Variants in LRRIQ3 observed in about 807,000 individuals in gnomAD.
The protein encoded by LRRIQ3 is leucine-rich repeat and IQ domain-containing protein 3.
In LRRIQ3, 75 loss-of-function variants were observed where a neutral mutation model predicts 59.3. The ratio of observed to expected loss-of-function variants is 1.26; its 90% CI spans 1.05 to 1.53. The LOEUF (loss-of-function observed/expected upper bound fraction) is 1.53. LRRIQ3 is among the 40% of genes most tolerant of loss of function. LRRIQ3 has a pLI of 0.00. For synonymous variants in LRRIQ3, 250 were observed against 231.3 expected, an observed-to-expected ratio of 1.08 and a Z score of -0.73; for missense variants, 831 against 710.0, an observed-to-expected ratio of 1.17 and a Z score of -1.94.
intron 6 of LRRIQ3, among the ~76,000 whole-genome samples, chr1:74,064,241 T>C (rs1262240582): frequency 1.3e-5 from 2 of 151,980 alleles, no homozygotes; most frequent in Non-Finnish European, 2.9e-5. Flanking sequence ...CTTTTTTATT[T>C]ACCAATTTTT....
chr1:74,164,093 CAT>C (rs778000758), intron 3 of LRRIQ3, among the ~76,000 whole-genome samples: 4 of 150,954 alleles, frequency 2.6e-5, no homozygotes, highest in South Asian at 2.1e-4. Context: ...TAGATTGTTT[CAT>C]ATGTTTTTGA....
intron 6 of LRRIQ3, among the ~76,000 whole-genome samples, chr1:74,048,668 T>C (rs1654273937): frequency 3.2e-5 from 3 of 93,524 alleles, no homozygotes; most frequent in Non-Finnish European, 7.4e-5. Context: ...CTTTAGTTCT[T>C]AACTTTTTAT....
intron 6 of LRRIQ3, among the ~76,000 whole-genome samples, chr1:74,065,130 T>C (rs938978397): frequency 6.6e-6 from 1 of 152,122 alleles, no homozygotes; most frequent in South Asian, 2.1e-4. Context: ...CTGCAGACTA[T>C]CACAAGATAG....
intron 6 of LRRIQ3, among the ~76,000 whole-genome samples, chr1:74,054,546 G>T (rs1215535443): frequency 6.6e-6 from 1 of 151,932 alleles, no homozygotes. Flanking sequence ...AGATAATAAT[G>T]TGTTAGTTTA....
In LRRIQ3 at chr1:74,125,675, A is replaced by G. The variant is rs117362791; in HGVS notation, c.708-16122T>C. ...ACATTGATTGATTTATGTACGTTGA[A>G]CCATCCTTGCATTCCTGGGATAAAT... On this transcript the variant is annotated intron_variant, in intron 4 of 7. Coordinates refer to ENST00000354431, the MANE Select transcript of LRRIQ3 (RefSeq NM_001105659.2). Among the ~76,000 whole-genome samples the G allele has an allele frequency of 9.2e-5, 14 of 152,024 alleles. No homozygotes were observed. The East Asian group carries it at 2.7e-3, about 29-fold the overall frequency.
chr1:74,125,669 C>A (rs117044508), intron 4 of LRRIQ3, among the ~76,000 whole-genome samples: 29 of 151,736 alleles, frequency 1.9e-4, no homozygotes, highest in African/African-American at 7.0e-4. Flanking sequence ...GATTTATGTA[C>A]GTTGAACCAT....
chr1:74,041,821 C>T lies in LRRIQ3; in HGVS notation c.1110G>A (p.Leu370=), dbSNP rs756989526. 5.6e-6 allele frequency: 9 copies of T among 1,613,432 alleles called. No homozygotes were observed. Among genetic ancestry groups the T allele is most frequent in the African/African-American group, 2.7e-5 (2 of 74,994 alleles). ...GAAAAAAATGTTGTTTTTTCTCTCT[C>T]AATACTGCATTATTCTTCAATGAAC... ...TSGSLKNNAV[L]REKKQHFFPA... is the part of the protein sequence containing the mutation. The change falls in exon 7 of 8, where the codon TTG becomes TTA. Residue 370 remains leucine (L), a synonymous_variant. Coordinates refer to ENST00000354431, the MANE Select transcript of LRRIQ3 (RefSeq NM_001105659.2).
intron 1 of LRRIQ3, among the ~76,000 whole-genome samples, chr1:74,194,759 C>A (rs1377381917): frequency 6.6e-6 from 1 of 152,126 alleles, no homozygotes; most frequent in African/African-American, 2.4e-5. Flanking sequence ...TTTCTTCTAG[C>A]CCAAAACATT....
chr1:74,123,843 C>A (rs1646897183), intron 4 of LRRIQ3, among the ~76,000 whole-genome samples: 1 of 151,936 alleles, frequency 6.6e-6, no homozygotes, highest in African/African-American at 2.4e-5. Context: ...AATGCTGGAT[C>A]ATATGGTAGT....
At chr1:74,154,513 A>G (rs1390362843) in intron 4 of LRRIQ3, among the ~76,000 whole-genome samples, 1 of 152,084 alleles carries the variant, frequency 6.6e-6, no homozygotes. Flanking sequence ...CTCTTCCTGC[A>G]AAACTCTCTA....
At chr1:74,045,093 C>T (rs1654161046) in intron 6 of LRRIQ3, among the ~76,000 whole-genome samples, 1 of 152,102 alleles carries the variant, frequency 6.6e-6, no homozygotes, top group Admixed American at 6.6e-5. Context: ...AAGAGCGAAT[C>T]CTCCTTAACT....
chr1:74,086,353 G>A (rs1257831221), intron 5 of LRRIQ3, among the ~76,000 whole-genome samples: 4 of 152,008 alleles, frequency 2.6e-5, no homozygotes, highest in Non-Finnish European at 5.9e-5. Flanking sequence ...TCCATTAACC[G>A]ACTTTTAATC....
At chr1:74,106,468 G>A (rs1000266100) in intron 5 of LRRIQ3, among the ~76,000 whole-genome samples, 1 of 151,892 alleles carries the variant, frequency 6.6e-6, no homozygotes, top group Admixed American at 6.6e-5. Context: ...ATGGGTGTGA[G>A]TATCTCTCAC....
At chr1:74,180,662 C>T in intron 3 of LRRIQ3, 3 of 1,504,432 alleles carry the variant, frequency 2.0e-6, no homozygotes, top group Non-Finnish European at 2.7e-6. Context: ...TCTGCACTGT[C>T]TGTCATTTGT....
chr1:74,101,895 A>G (rs969411652), intron 5 of LRRIQ3, among the ~76,000 whole-genome samples: 3 of 151,900 alleles, frequency 2.0e-5, no homozygotes, highest in African/African-American at 4.8e-5. Flanking sequence ...AACATCACAC[A>G]CTGGGGCCTG....
At chr1:74,185,816 G>A (rs1018862018) in intron 1 of LRRIQ3, among the ~76,000 whole-genome samples, 12 of 151,930 alleles carry the variant, frequency 7.9e-5, no homozygotes, top group African/African-American at 2.4e-4. Context: ...GGTGGCGGGC[G>A]CCTGTGGTCC....
chr1:74,056,438 G>A (rs950432397), intron 6 of LRRIQ3, among the ~76,000 whole-genome samples: 12 of 151,934 alleles, frequency 7.9e-5, no homozygotes, highest in African/African-American at 2.9e-4. Context: ...GTCCCTCCTT[G>A]CAGATGACAT....
intron 4 of LRRIQ3, among the ~76,000 whole-genome samples, chr1:74,117,456 ATT>A (rs1253018834): frequency 1.3e-5 from 2 of 152,188 alleles, no homozygotes; most frequent in African/African-American, 4.8e-5. Flanking sequence ...AAAAACAAAT[ATT>A]GTCTTGATAA....
intron 6 of LRRIQ3, among the ~76,000 whole-genome samples, chr1:74,049,577 T>C (rs1466643599): frequency 6.6e-6 from 1 of 152,108 alleles, no homozygotes; most frequent in Non-Finnish European, 1.5e-5. Context: ...ATGGTAGCAT[T>C]TTGGCTTGAG....
Sources: gnomAD v4.1 joint callset for allele counts (sites outside exome capture counted in the v4.1 genomes callset) on GRCh38, gnomAD v4.1.1 for gene constraint, MANE v1.5 for transcripts, NCBI Gene and HGNC (gene_info 2026-07-23, HGNC 2026-07-21) for gene names.